Variants in MGAT5 observed in about 807,000 individuals in gnomAD.
MGAT5 encodes the protein alpha-1,6-mannosylglycoprotein 6-beta-N-acetylglucosaminyltransferase.
In MGAT5, 30 loss-of-function variants were observed where a neutral mutation model predicts 94.3. That is an observed-to-expected ratio of 0.32 (90% CI 0.24 to 0.43). The LOEUF is 0.43. Ranked by LOEUF, MGAT5 falls within the 20% of genes least tolerant of loss-of-function variation. MGAT5 has a pLI of 1.00. For synonymous variants in MGAT5, 310 were observed against 322.9 expected (o/e 0.96, Z 0.43); for missense variants, 691 against 905.5 (o/e 0.76, Z 3.04).
intron 4 of MGAT5, chr2:134,320,133 AG>A (rs2105908801): frequency 6.4e-6 from 1 of 155,968 alleles, no homozygotes; most frequent in African/African-American, 2.4e-5. Flanking sequence ...CTGCTTGTAG[AG>A]GGATCAGTGT....
chr2:134,246,911 T>C (rs1682303454), intron 1 of MGAT5, among the ~76,000 whole-genome samples: 1 of 152,274 alleles, frequency 6.6e-6, no homozygotes. Context: ...TTTATACATT[T>C]TAATTTATCA....
At chr2:134,411,133 C>G (rs1054968207) in intron 11 of MGAT5, among the ~76,000 whole-genome samples, 1 of 152,196 alleles carries the variant, frequency 6.6e-6, no homozygotes, top group Non-Finnish European at 1.5e-5. Flanking sequence ...AGATCTCCCC[C>G]ACCCCTGAGC....
At chr2:134,402,948 A>C in intron 10 of MGAT5, 40 bp from the exon 11 acceptor site, 1 of 1,550,534 alleles carries the variant, frequency 6.4e-7, no homozygotes, top group South Asian at 1.2e-5. Flanking sequence ...ATGCAAATGA[A>C]AGAAAAAGAG....
chr2:134,442,623 A>G (rs1030103184), intron 15 of MGAT5, among the ~76,000 whole-genome samples: 47 of 152,184 alleles, frequency 3.1e-4, no homozygotes, highest in African/African-American at 1.1e-3. Flanking sequence ...TTGTGCTTGC[A>G]TTACTTAGTG....
At chr2:134,241,632 A>G (rs542714292) in intron 1 of MGAT5, among the ~76,000 whole-genome samples, 2 of 152,240 alleles carry the variant, frequency 1.3e-5, no homozygotes, top group African/African-American at 2.4e-5. Flanking sequence ...CAAAGATAGT[A>G]TCAAAATGAA....
chr2:134,317,948 G>C (rs1242320891), intron 3 of MGAT5, among the ~76,000 whole-genome samples: 1 of 152,170 alleles, frequency 6.6e-6, no homozygotes, highest in Non-Finnish European at 1.5e-5. Flanking sequence ...CTGTTATTTA[G>C]TGTCCAACTC....
intron 9 of MGAT5, among the ~76,000 whole-genome samples, chr2:134,350,983 A>T (rs1679347011): frequency 6.6e-6 from 1 of 152,118 alleles, no homozygotes; most frequent in Non-Finnish European, 1.5e-5. Flanking sequence ...AGCTACCTGA[A>T]GGTGACCCCT....
At chr2:134,351,258 T>C (rs149995513) in intron 9 of MGAT5, among the ~76,000 whole-genome samples, 114 of 152,272 alleles carry the variant, frequency 7.5e-4, no homozygotes, top group African/African-American at 2.2e-3. Flanking sequence ...ACAGATGGCT[T>C]TCAGTATGGT....
At chr2:134,124,947 G>A (rs1685773744) in intron 1 of MGAT5, among the ~76,000 whole-genome samples, 1 of 152,176 alleles carries the variant, frequency 6.6e-6, no homozygotes, top group Non-Finnish European at 1.5e-5. Flanking sequence ...GTCCTGTCAT[G>A]CTGGTAAAAT....
intron 1 of MGAT5, among the ~76,000 whole-genome samples, chr2:134,124,386 G>A (rs1281846247): frequency 6.6e-6 from 1 of 152,178 alleles, no homozygotes; most frequent in East Asian, 1.9e-4. Flanking sequence ...GTGCATGGGA[G>A]GGGTTGGAGG....
Position 134,448,996 on chromosome 2 carries a change from G to A in MGAT5, c.*149G>A, listed in dbSNP as rs1406437554. 6 of 733,544 alleles carry A rather than the reference G, an allele frequency of 8.2e-6. No individual in the cohort carries two copies. Among genetic ancestry groups the A allele is most frequent in the Non-Finnish European group, 1.1e-5 (5 of 450,544 alleles). 45.4% of individuals were successfully genotyped at this position (733,544 alleles called of 1,614,324 possible). On this transcript the variant is annotated 3_prime_UTR_variant, in exon 16 of 16. Coordinates refer to ENST00000281923, the MANE Select transcript of MGAT5 (RefSeq NM_002410.5). ...GTTCTGAATTGGCATTGCCCTTGCTGCACTCCGAGCAACCCAGTGGAGTCT... is the reference window on the plus strand; with the variant it reads ...GTTCTGAATTGGCATTGCCCTTGCTACACTCCGAGCAACCCAGTGGAGTCT...
Position 134,270,408 on chromosome 2 carries a change from G to T in MGAT5, c.264G>T (p.Val88=), listed in dbSNP as rs1683957803. Residue 88 remains valine, a synonymous_variant, in exon 2 of 16, where the codon GTG becomes GTT. Coordinates refer to ENST00000281923, the MANE Select transcript of MGAT5 (RefSeq NM_002410.5). ...CAGATCTGAAGAAAACCCTTGCTGT[G>T]TTATTAGATAACATTTTGCAGCGCA... ...TAYDLKKTLA[V]LLDNILQRIG... The T allele has an allele frequency of 1.9e-6, 3 of 1,614,146 alleles. No individual in the cohort carries two copies. Among genetic ancestry groups the T allele is most frequent in the Admixed American group, 1.7e-5 (1 of 60,012 alleles).
At chr2:134,212,357 G>A (rs1184249231) in intron 1 of MGAT5, among the ~76,000 whole-genome samples, 3 of 28,600 alleles carry the variant, frequency 1.0e-4, no homozygotes, top group Non-Finnish European at 1.5e-4. Flanking sequence ...TCTACACACT[G>A]CTTTGAATGC....
chr2:134,152,231 CGCTT>C (rs1483056981), intron 1 of MGAT5, among the ~76,000 whole-genome samples: 1 of 140,454 alleles, frequency 7.1e-6, no homozygotes, highest in East Asian at 3.9e-4. Context: ...CTATGGGACC[CGCTT>C]ACCACCATGG....
chr2:134,207,505 C>G (rs1680071640), intron 1 of MGAT5, among the ~76,000 whole-genome samples: 1 of 151,508 alleles, frequency 6.6e-6, no homozygotes, highest in African/African-American at 2.4e-5. Context: ...GCCAGACTTT[C>G]ATGTTTGAGC....
intron 2 of MGAT5, among the ~76,000 whole-genome samples, chr2:134,276,233 AT>A (rs1221597727): frequency 5.4e-5 from 8 of 147,938 alleles, no homozygotes; most frequent in African/African-American, 1.8e-4. Context: ...AAGGAAAGAG[AT>A]TTTAGAAACT....
At chr2:134,410,757 T>C (rs1183608046) in intron 11 of MGAT5, among the ~76,000 whole-genome samples, 1 of 152,188 alleles carries the variant, frequency 6.6e-6, no homozygotes, top group Non-Finnish European at 1.5e-5. Context: ...AAGCTGTTCT[T>C]TGAAATTTAG....
At chr2:134,236,955 A>G (rs143790563) in intron 1 of MGAT5, among the ~76,000 whole-genome samples, 1 of 152,176 alleles carries the variant, frequency 6.6e-6, no homozygotes, top group African/African-American at 2.4e-5. Flanking sequence ...TATAGTTTTC[A>G]TCCTGTGGAA....
At chr2:134,380,729 C>T (rs753319546) in intron 10 of MGAT5, among the ~76,000 whole-genome samples, 9 of 152,158 alleles carry the variant, frequency 5.9e-5, no homozygotes, top group Non-Finnish European at 1.0e-4. Flanking sequence ...CTGTTTAGCT[C>T]TCTTATTTCT....
Sources: allele counts gnomAD v4.1 joint callset (sites outside exome capture counted in the v4.1 genomes callset), GRCh38; gene constraint gnomAD v4.1.1; transcripts MANE v1.5; gene names NCBI Gene and HGNC (gene_info 2026-07-23, HGNC 2026-07-21).